The following FGF13 variants were observed in gnomAD, a reference collection of about 807,000 sequenced individuals.
FGF13 encodes fibroblast growth factor homologous factor 2.
In FGF13, 2 loss-of-function variants were observed where a neutral mutation model predicts 19.5. The ratio of observed to expected loss-of-function variants is 0.10; its 90% confidence interval spans 0.04 to 0.32. The LOEUF (loss-of-function observed/expected upper bound fraction) is 0.32. Among genes scored for constraint, FGF13 ranks in the 10% least tolerant of loss-of-function variants. The pLI is 1.00. For synonymous variants in FGF13, 72 were observed against 76.9 expected, an observed-to-expected ratio of 0.94 and a Z score of 0.33; for missense variants, 113 against 192.7, an observed-to-expected ratio of 0.59 and a Z score of 2.45.
chrX:138,975,840 A>G (rs969144588), intron 1 of FGF13, among the ~76,000 whole-genome samples: 1 of 111,349 alleles, frequency 9.0e-6, no homozygotes, highest in Non-Finnish European at 1.9e-5. Context: ...AGATTATCAG[A>G]GTTCAAGGTC....
At chrX:139,201,864 A>C (rs1278439642) in intron 1 of FGF13, among the ~76,000 whole-genome samples, 1 of 111,561 alleles carries the variant, frequency 9.0e-6, no homozygotes, top group Non-Finnish European at 1.9e-5. Context: ...GAAAGGCTGA[A>C]ATGGCAATCT....
intron 2 of FGF13, among the ~76,000 whole-genome samples, chrX:138,707,658 CAACAGTGACATAGAACTTTTGCAA>C (rs1272959572): frequency 5.4e-5 from 6 of 112,133 alleles, no homozygotes; most frequent in Non-Finnish European, 9.4e-5. Context: ...TTTAATATCA[CAACAGTGACATAGAACTTTTGCAA>C]AACAGTGAAG....
chrX:138,654,154 G>C (rs1442424264), intron 3 of FGF13, among the ~76,000 whole-genome samples: 2 of 111,552 alleles, frequency 1.8e-5, no homozygotes, highest in Non-Finnish European at 3.8e-5. Flanking sequence ...GGAAAATATA[G>C]TACATTCTCC....
chrX:138,907,506 C>T (rs903133392), intron 1 of FGF13, among the ~76,000 whole-genome samples: 1 of 111,385 alleles, frequency 9.0e-6, no homozygotes, highest in African/African-American at 3.3e-5. Flanking sequence ...CATTGCACTC[C>T]TGACATTAAC....
chrX:138,656,427 G>C (rs922220669), intron 3 of FGF13, among the ~76,000 whole-genome samples: 4 of 111,494 alleles, frequency 3.6e-5, no homozygotes, highest in Non-Finnish European at 7.5e-5. Flanking sequence ...AGGTGTTAGG[G>C]GGGAATAGCA....
In FGF13 at chrX:139,073,133, T is replaced by C. The variant is rs766886850; in HGVS notation, c.-113+130283A>G. 7.8e-3 allele frequency among the ~76,000 whole-genome samples: 814 copies of C among 104,135 alleles called. 5 individuals carry two copies. The highest frequency in any genetic ancestry group is 0.013 in the African/African-American group (366 of 28,596). The allele number at this position is 104,135 out of a possible 115,157, so 90.4% of individuals were successfully genotyped here. On this transcript the variant is annotated intron_variant, in intron 1 of 2. Coordinates refer to the FGF13 transcript ENST00000421460. ...ATTTTTTCTAGTTTGGAGCTGTTTTTCCCCCCCCCCTTTTCTGTGTCTCAC... is the reference window on the plus strand; with the variant it reads ...ATTTTTTCTAGTTTGGAGCTGTTTTCCCCCCCCCCCTTTTCTGTGTCTCAC...
At chrX:139,094,706 G>T (rs564273381) in intron 1 of FGF13, among the ~76,000 whole-genome samples, 1 of 112,436 alleles carries the variant, frequency 8.9e-6, no homozygotes, top group African/African-American at 3.2e-5. Flanking sequence ...TGATAAAAAG[G>T]GTAGTCTAAA....
At chrX:138,953,180 A>C (rs1342782372) in intron 1 of FGF13, among the ~76,000 whole-genome samples, 2 of 110,994 alleles carry the variant, frequency 1.8e-5, no homozygotes, top group Non-Finnish European at 3.8e-5. Flanking sequence ...AACCAACCCA[A>C]ATGTCCAACA....
At chrX:139,003,464 G>T (rs748726120) in intron 1 of FGF13, among the ~76,000 whole-genome samples, 37 of 111,980 alleles carry the variant, frequency 3.3e-4, no homozygotes, top group African/African-American at 1.1e-3. Context: ...TGCCAATGCT[G>T]GCTCGGGCAG....
At chrX:139,173,676 G>A (rs1399772143) in intron 1 of FGF13, among the ~76,000 whole-genome samples, 1 of 110,952 alleles carries the variant, frequency 9.0e-6, no homozygotes, top group African/African-American at 3.3e-5. Context: ...TCCTGTGTAA[G>A]TTTGCTAAGA....
At position 138,781,200 on chromosome X, in the gene FGF13, T is replaced by C. The variant is rs755574623; in HGVS notation, c.218-72272A>G. Among the ~76,000 whole-genome samples, 55 of 110,264 alleles carry C rather than the reference T, an allele frequency of 5.0e-4. No homozygotes were observed. The East Asian group carries it at 0.013, about 26-fold the overall frequency. On this transcript the variant is annotated intron_variant, in intron 3 of 6. Transcript: ENST00000436198. ...AGGGAAATTTATAGCACTAAATGCC[T>C]ACAAGAGAAAGCAGGAAAGATCAAA...
chrX:138,987,447 C>T (rs1351600399), intron 1 of FGF13, among the ~76,000 whole-genome samples: 1 of 111,773 alleles, frequency 8.9e-6, no homozygotes, highest in Non-Finnish European at 1.9e-5. Context: ...TCCAGATGTG[C>T]AGTTCCACAG....
At chrX:138,824,490 T>G (rs2091020737) in intron 3 of FGF13, among the ~76,000 whole-genome samples, 1 of 111,863 alleles carries the variant, frequency 8.9e-6, no homozygotes, top group East Asian at 2.8e-4. Flanking sequence ...ATTATTCTTT[T>G]TAAATAACCT....
rs540067544 is a variant in FGF13, at chrX:139,023,733, G to A, written c.-112-159083C>T. On this transcript the variant is annotated intron_variant, in intron 1 of 2. Coordinates refer to the FGF13 transcript ENST00000421460. ...CATGCGGTAGAAGATTATTGATGAC[G>A]TCATCATGTTCATAAGACAATCAAG... Among the ~76,000 whole-genome samples, 27 of 111,022 alleles carry A rather than the reference G, an allele frequency of 2.4e-4. No individual in the cohort carries two copies. The South Asian group carries it at 5.7e-3, about 23-fold the overall frequency.
intron 1 of FGF13, among the ~76,000 whole-genome samples, chrX:139,044,471 A>G (rs2092280309): frequency 9.0e-6 from 1 of 111,401 alleles, no homozygotes; most frequent in Non-Finnish European, 1.9e-5. Flanking sequence ...CCCATGATCT[A>G]TACACCCACC....
intron 1 of FGF13, among the ~76,000 whole-genome samples, chrX:139,082,566 G>A (rs1305232722): frequency 9.0e-6 from 1 of 111,498 alleles, no homozygotes; most frequent in African/African-American, 3.3e-5. Flanking sequence ...TGTGAAGACA[G>A]AGACAGGGAT....
intron 1 of FGF13, among the ~76,000 whole-genome samples, chrX:138,978,998 A>T: frequency 8.9e-6 from 1 of 112,558 alleles, no homozygotes; most frequent in East Asian, 2.8e-4. Context: ...AATATGGAGC[A>T]AGCTTCTCAA....
chrX:138,721,746 T>C (rs1372310135), intron 1 of FGF13, among the ~76,000 whole-genome samples: 1 of 110,149 alleles, frequency 9.1e-6, no homozygotes, highest in Non-Finnish European at 1.9e-5. Flanking sequence ...CTATATATTA[T>C]ACAATAATAT....
At chrX:138,954,053 T>G (rs1383746841) in intron 1 of FGF13, among the ~76,000 whole-genome samples, 1 of 106,816 alleles carries the variant, frequency 9.4e-6, no homozygotes, top group Non-Finnish European at 1.9e-5. Context: ...TTCATAAAAT[T>G]TTACACCAAA....
Sources: allele counts gnomAD v4.1 joint callset (sites outside exome capture counted in the v4.1 genomes callset), GRCh38; gene constraint gnomAD v4.1.1; transcripts MANE v1.5; gene names NCBI Gene and HGNC (gene_info 2026-07-23, HGNC 2026-07-21).